NSUN6: variants seen among roughly 807,000 people sequenced by gnomAD.
NSUN6 encodes the protein tRNA (cytosine(72)-C(5))-methyltransferase NSUN6.
A neutral mutation model predicts 58.0 loss-of-function variants in NSUN6; 64 were observed. The ratio of observed to expected loss-of-function variants is 1.10; its 90% CI spans 0.90 to 1.36. NSUN6 has a LOEUF of 1.36. Ranked by LOEUF, NSUN6 falls within the 40% of genes most tolerant of loss-of-function variation. The pLI is 0.00. For missense variants in NSUN6, 701 were observed against 550.1 expected (o/e 1.27, Z -2.74); for synonymous variants, 231 against 193.9 (o/e 1.19, Z -1.59).
chr10:18,568,295 G>C (rs541581081), intron 8 of NSUN6, among the ~76,000 whole-genome samples: 2 of 139,978 alleles, frequency 1.4e-5, no homozygotes, highest in Admixed American at 7.1e-5. Flanking sequence ...TTCCATTCCA[G>C]TTCATTCTCC....
chr10:18,547,127 T>C (rs754402235), intron 10 of NSUN6, among the ~76,000 whole-genome samples: 5 of 152,170 alleles, frequency 3.3e-5, no homozygotes, highest in Non-Finnish European at 7.3e-5. Flanking sequence ...TTTAAGGCTG[T>C]ATCAATTAGT....
chr10:18,641,797 C>G (rs1436655469), intron 3 of NSUN6, among the ~76,000 whole-genome samples: 1 of 152,134 alleles, frequency 6.6e-6, no homozygotes, highest in Non-Finnish European at 1.5e-5. Flanking sequence ...GGCTGGGCAA[C>G]GTGGCTCACA....
intron 2 of NSUN6, among the ~76,000 whole-genome samples, chr10:18,643,823 T>C (rs1463389286): frequency 1.3e-5 from 2 of 152,208 alleles, no homozygotes; most frequent in Non-Finnish European, 2.9e-5. Flanking sequence ...TATAGAAATA[T>C]CTTATACAGA....
chr10:18,602,719 C>T (rs1357492504), intron 6 of NSUN6, among the ~76,000 whole-genome samples: 1 of 152,076 alleles, frequency 6.6e-6, no homozygotes, highest in Non-Finnish European at 1.5e-5. Context: ...CTTTGGCAGT[C>T]CAGTCTCCTC....
At chr10:18,557,879 T>C (rs1038943464) in intron 8 of NSUN6, among the ~76,000 whole-genome samples, 2 of 149,112 alleles carry the variant, frequency 1.3e-5, no homozygotes, top group African/African-American at 4.9e-5. Flanking sequence ...GAGCGTGGAA[T>C]GGAATGGAAT....
At chr10:18,568,755 C>T (rs2056149538) in intron 8 of NSUN6, among the ~76,000 whole-genome samples, 1 of 151,212 alleles carries the variant, frequency 6.6e-6, no homozygotes. Flanking sequence ...TATTCCAATA[C>T]ATTTCACATT....
At chr10:18,636,458 C>T (rs946770948) in intron 3 of NSUN6, among the ~76,000 whole-genome samples, 2 of 151,068 alleles carry the variant, frequency 1.3e-5, no homozygotes, top group Admixed American at 6.6e-5. Flanking sequence ...CTCAGGAGTT[C>T]GAGACCAGCC....
chr10:18,651,916 G>T (rs1176819605), upstream of NSUN6: 1 of 985,298 alleles, frequency 1.0e-6, no homozygotes, highest in Non-Finnish European at 1.2e-6. Context: ...CTGAAAAAAG[G>T]CACAGCCCAG....
At chr10:18,562,427 T>C (rs995457788) in intron 8 of NSUN6, among the ~76,000 whole-genome samples, 1 of 148,110 alleles carries the variant, frequency 6.8e-6, no homozygotes, top group Non-Finnish European at 1.5e-5. Context: ...GAGAATGGAA[T>C]GGAATGCGGA....
At chr10:18,601,463 T>C (rs575849173) in intron 6 of NSUN6, among the ~76,000 whole-genome samples, 1 of 152,244 alleles carries the variant, frequency 6.6e-6, no homozygotes, top group South Asian at 2.1e-4. Flanking sequence ...TTTCAGTGTA[T>C]GTTCAGCTCC....
chr10:18,560,683 TGGAATGGAATGTGGAATGGAATGCAATGA>T (rs1269030642), intron 8 of NSUN6, among the ~76,000 whole-genome samples: 1 of 138,594 alleles, frequency 7.2e-6, no homozygotes, highest in Non-Finnish European at 1.5e-5. Flanking sequence ...GAATGGAGAA[TGGAATGGAATGTGGAATGGAATGCAATGA>T]GGAATGGAAT....
In NSUN6 at chr10:18,628,727, G is replaced by A. The variant is rs371132877; in HGVS notation, c.312-12434C>T. On this transcript the variant is annotated intron_variant, in intron 3 of 10. Coordinates refer to ENST00000377304, the MANE Select transcript of NSUN6 (RefSeq NM_182543.5). ...AGAAAAAAGAATAAAAAGAAATGAG[G>A]AAAGCCTCCAAGAAATATGGGACTA... Among the ~76,000 whole-genome samples, 457 of 152,152 alleles carry A rather than the reference G, an allele frequency of 3.0e-3. 1 individual carries two copies. The highest frequency in any genetic ancestry group is 6.8e-3 in the Middle Eastern group (2 of 294).
chr10:18,633,518 G>A (rs571573476), intron 3 of NSUN6, among the ~76,000 whole-genome samples: 8 of 152,100 alleles, frequency 5.3e-5, no homozygotes, highest in South Asian at 4.2e-4. Flanking sequence ...AGAAATAACC[G>A]GCTGACAGTG....
chr10:18,653,216 C>A, upstream of NSUN6: 1 of 984,688 alleles, frequency 1.0e-6, no homozygotes. Flanking sequence ...CACTATGTAC[C>A]CAAGCCTAAT....
Position 18,651,399 on chromosome 10 carries a change from G to T in NSUN6, c.-196C>A. On this transcript the variant is annotated 5_prime_UTR_variant, in exon 1 of 11. Transcript: ENST00000377304. ...CCTAGCCGATTAGAAGGGGCTGCCG[G>T]GCTTCCACCACACCTCATCGAGGCA... 1 of 1,287,438 alleles carries T rather than the reference G, an allele frequency of 7.8e-7. No individual in the cohort carries two copies. The highest frequency in any genetic ancestry group is 9.8e-7 in the Non-Finnish European group (1 of 1,019,846). 79.8% of individuals were successfully genotyped at this position (1,287,438 alleles called of 1,614,324 possible).
At chr10:18,601,438 C>T (rs1256414097) in intron 6 of NSUN6, among the ~76,000 whole-genome samples, 1 of 152,094 alleles carries the variant, frequency 6.6e-6, no homozygotes, top group Non-Finnish European at 1.5e-5. Context: ...ACCCTTTGTT[C>T]CAAGGAACCG....
chr10:18,551,291 T>TGTGTGTGTGTGTGTGTGG (rs1230236829), intron 9 of NSUN6, among the ~76,000 whole-genome samples: 4 of 148,890 alleles, frequency 2.7e-5, no homozygotes, highest in African/African-American at 1.0e-4. Flanking sequence ...TGTGTGTGTG[T>TGTGTGTGTGTGTGTGTGG]GGTAAAATAT....
chr10:18,582,789 G>A (rs2056963847), intron 8 of NSUN6, among the ~76,000 whole-genome samples: 2 of 152,166 alleles, frequency 1.3e-5, no homozygotes, highest in South Asian at 4.1e-4. Flanking sequence ...GGAGTACTAT[G>A]CCCATGTCAA....
At chr10:18,576,851 T>A (rs899494134) in intron 8 of NSUN6, among the ~76,000 whole-genome samples, 10 of 152,176 alleles carry the variant, frequency 6.6e-5, no homozygotes, top group African/African-American at 2.4e-4. Context: ...TTTAGTACAA[T>A]TAGCTATCCC....
Sources: gnomAD v4.1 joint callset for allele counts (sites outside exome capture counted in the v4.1 genomes callset) on GRCh38, gnomAD v4.1.1 for gene constraint, MANE v1.5 for transcripts, NCBI Gene and HGNC (gene_info 2026-07-23, HGNC 2026-07-21) for gene names.